The following TRPM3 variants were observed in gnomAD, a reference collection of about 807,000 sequenced individuals.
TRPM3 encodes long transient receptor potential channel 3.
TRPM3 carries 77 observed loss-of-function variants against 181.2 expected under a neutral mutation model. The ratio of observed to expected loss-of-function variants is 0.42; its 90% CI spans 0.35 to 0.51. The LOEUF is 0.51. TRPM3 is among the 20% of genes least tolerant of loss of function. TRPM3 has a pLI of 0.01. For missense variants in TRPM3, 1,759 were observed against 2,196.7 expected (o/e 0.80, Z 3.98); for synonymous variants, 745 against 796.4 (o/e 0.94, Z 1.09).
chr9:70,991,552 TC>T (rs2097484945), intron 1 of TRPM3, among the ~76,000 whole-genome samples: 1 of 94,546 alleles, frequency 1.1e-5, no homozygotes, highest in Admixed American at 1.5e-4. Context: ...ATACTATGTG[TC>T]TGTTTTTTTT....
intron 9 of TRPM3, among the ~76,000 whole-genome samples, chr9:70,668,563 G>T (rs928309649): frequency 2.0e-5 from 3 of 151,486 alleles, no homozygotes; most frequent in Non-Finnish European, 4.4e-5. Context: ...TACGCGGGAG[G>T]CTGAGGCAGG....
chr9:71,047,525 G>T (rs1456812639), intron 1 of TRPM3, among the ~76,000 whole-genome samples: 3 of 152,186 alleles, frequency 2.0e-5, no homozygotes, highest in Non-Finnish European at 4.4e-5. Context: ...TCCACCGATA[G>T]GTTGATTTGA....
At chr9:71,117,350 G>A (rs2072631136) in intron 1 of TRPM3, among the ~76,000 whole-genome samples, 1 of 152,094 alleles carries the variant, frequency 6.6e-6, no homozygotes. Context: ...TAGCAGACAA[G>A]GCCTTCTATT....
chr9:70,768,775 A>C (rs1176723032), intron 7 of TRPM3, among the ~76,000 whole-genome samples: 1 of 152,024 alleles, frequency 6.6e-6, no homozygotes, highest in Admixed American at 6.6e-5. Flanking sequence ...TCTGGATACT[A>C]CTTTATTCCC....
intron 1 of TRPM3, among the ~76,000 whole-genome samples, chr9:71,314,521 T>C (rs545308000): frequency 3.9e-5 from 6 of 152,126 alleles, no homozygotes; most frequent in Admixed American, 6.6e-5. Flanking sequence ...AAAGAAGCAA[T>C]GGAGAGGGAA....
chr9:71,286,695 A>C (rs1375292094), intron 1 of TRPM3, among the ~76,000 whole-genome samples: 1 of 152,060 alleles, frequency 6.6e-6, no homozygotes, highest in Non-Finnish European at 1.5e-5. Context: ...AATACTACTG[A>C]TAAAAATCAC....
At chr9:71,066,910 T>C (rs886904164) in intron 1 of TRPM3, among the ~76,000 whole-genome samples, 5 of 152,186 alleles carry the variant, frequency 3.3e-5, no homozygotes, top group African/African-American at 1.2e-4. Flanking sequence ...CCTTATAAGC[T>C]ACACATTCAT....
chr9:71,336,923 C>A (rs1428043050), intron 1 of TRPM3, among the ~76,000 whole-genome samples: 1 of 152,110 alleles, frequency 6.6e-6, no homozygotes, highest in Non-Finnish European at 1.5e-5. Context: ...GAACTGGACC[C>A]CTTCCTTACA....
chr9:71,050,068 A>T (rs2059899205), intron 1 of TRPM3, among the ~76,000 whole-genome samples: 1 of 152,178 alleles, frequency 6.6e-6, no homozygotes, highest in Admixed American at 6.5e-5. Flanking sequence ...ATGTGAAATG[A>T]AATAACAACT....
intron 22 of TRPM3, among the ~76,000 whole-genome samples, chr9:70,575,908 A>G (rs934434554): frequency 6.6e-6 from 1 of 152,166 alleles, no homozygotes; most frequent in African/African-American, 2.4e-5. Context: ...TGGACTAATG[A>G]TGGCTTCCAA....
chr9:70,694,733 G>A (rs2069752400), intron 8 of TRPM3, among the ~76,000 whole-genome samples: 2 of 152,202 alleles, frequency 1.3e-5, no homozygotes, highest in Admixed American at 1.3e-4. Flanking sequence ...ACCCGCCTCG[G>A]CCTCCCAAAG....
chr9:70,835,585 C>G (rs2094262814), intron 5 of TRPM3, among the ~76,000 whole-genome samples: 2 of 151,956 alleles, frequency 1.3e-5, no homozygotes, highest in Admixed American at 1.3e-4. Flanking sequence ...GACCCGAATA[C>G]CATCCCTTCT....
At chr9:70,890,092 T>TATATATAGTCAATAGTAC (rs1320375127) in intron 1 of TRPM3, among the ~76,000 whole-genome samples, 2 of 148,506 alleles carry the variant, frequency 1.3e-5, no homozygotes, top group Non-Finnish European at 1.5e-5. Context: ...CTATATAGTA[T>TATATATAGTCAATAGTAC]ATATATAGTC....
At chr9:70,639,396 C>T (rs1474559041) in intron 10 of TRPM3, among the ~76,000 whole-genome samples, 3 of 152,160 alleles carry the variant, frequency 2.0e-5, no homozygotes, top group African/African-American at 4.8e-5. Context: ...CCTGTCTTTG[C>T]AAATAGAAGT....
chr9:70,862,745 G>C (rs1004150260), intron 3 of TRPM3, among the ~76,000 whole-genome samples, 163 bp downstream of exon 3: 4 of 152,086 alleles, frequency 2.6e-5, no homozygotes, highest in African/African-American at 9.7e-5. Context: ...TAGAAGAAGG[G>C]TTGAGACACA....
chr9:70,786,172 G>T (rs1407139427), intron 6 of TRPM3, among the ~76,000 whole-genome samples: 2 of 151,898 alleles, frequency 1.3e-5, no homozygotes, highest in Middle Eastern at 3.4e-3. Context: ...GTACTTTAAA[G>T]ATTAAGGGCT....
intron 1 of TRPM3, among the ~76,000 whole-genome samples, chr9:70,925,997 C>A (rs199723123): frequency 6.5e-4 from 90 of 138,966 alleles, no homozygotes; most frequent in Non-Finnish European, 6.4e-4. Context: ...CTTGGGAAAA[C>A]AAAAAAAAAA....
At chr9:70,647,891 A>C (rs549347522) in intron 9 of TRPM3, among the ~76,000 whole-genome samples, 1 of 152,340 alleles carries the variant, frequency 6.6e-6, no homozygotes, top group East Asian at 1.9e-4. Context: ...TATTCTATAC[A>C]CCAATAATGT....
At chr9:70,919,310 T>G (rs1016264470) in intron 1 of TRPM3, among the ~76,000 whole-genome samples, 8 of 152,170 alleles carry the variant, frequency 5.3e-5, no homozygotes, top group African/African-American at 1.9e-4. Flanking sequence ...GTACAGTCAG[T>G]CAAACTGAGC....
Sources: gnomAD v4.1 joint callset for allele counts (sites outside exome capture counted in the v4.1 genomes callset) on GRCh38, gnomAD v4.1.1 for gene constraint, MANE v1.5 for transcripts, NCBI Gene and HGNC (gene_info 2026-07-23, HGNC 2026-07-21) for gene names.